Variants in SRBD1 observed in about 807,000 individuals in gnomAD.
The protein encoded by SRBD1 is S1 RNA binding domain 1, also known as S1 RNA-binding domain-containing protein 1.
Under a neutral mutation model 115.3 loss-of-function variants are expected in SRBD1, and 88 were observed. The observed-to-expected ratio is 0.76, with a 90% confidence interval of 0.64 to 0.91. The LOEUF is 0.91. SRBD1 is among the 40% of genes least tolerant of loss of function. The pLI, the probability that SRBD1 is intolerant of heterozygous loss-of-function variation, is 0.00. For missense variants in SRBD1, 1,385 were observed against 1,177.4 expected (o/e 1.18, Z -2.58); for synonymous variants, 509 against 407.7 (o/e 1.25, Z -2.99).
intron 12 of SRBD1, among the ~76,000 whole-genome samples, chr2:45,550,894 C>G (rs1052694287): frequency 6.6e-6 from 1 of 152,106 alleles, no homozygotes; most frequent in Non-Finnish European, 1.5e-5. Context: ...TCCTCAATAT[C>G]TCTACTGAGA....
intron 1 of SRBD1, among the ~76,000 whole-genome samples, chr2:45,606,736 T>A (rs1674286272): frequency 6.6e-6 from 1 of 152,230 alleles, no homozygotes; most frequent in Non-Finnish European, 1.5e-5. Flanking sequence ...ACTTTAGCTG[T>A]TAAGATTAAT....
At chr2:45,598,957 T>G (rs13003786) in intron 4 of SRBD1, among the ~76,000 whole-genome samples, 91,587 of 151,982 alleles carry the variant, frequency 0.6, 28,679 homozygotes, top group Non-Finnish European at 0.71. Context: ...TGATTTCCCC[T>G]GTAGTAAGAC....
At chr2:45,490,089 T>C (rs1670247931) in intron 14 of SRBD1, among the ~76,000 whole-genome samples, 1 of 152,144 alleles carries the variant, frequency 6.6e-6, no homozygotes, top group Non-Finnish European at 1.5e-5. Context: ...CTGCATTTTC[T>C]CCAAAATAAC....
At chr2:45,541,587 G>A (rs577896941) in intron 14 of SRBD1, among the ~76,000 whole-genome samples, 7 of 152,332 alleles carry the variant, frequency 4.6e-5, no homozygotes, top group South Asian at 2.1e-4. Context: ...GCTCCTTTCC[G>A]CAGGCAGGTT....
chr2:45,603,057 A>C (rs1314486077), intron 2 of SRBD1, among the ~76,000 whole-genome samples: 1 of 152,212 alleles, frequency 6.6e-6, no homozygotes, highest in Non-Finnish European at 1.5e-5. Flanking sequence ...CTATAATTAG[A>C]AAACCAATGA....
chr2:45,480,033 T>C (rs960332573), intron 15 of SRBD1, among the ~76,000 whole-genome samples: 2 of 152,192 alleles, frequency 1.3e-5, no homozygotes, highest in Admixed American at 6.6e-5. Context: ...CATATGTTTA[T>C]AGCATGGTTT....
In SRBD1 at chr2:45,451,093, T is replaced by C. The variant is rs1668978061; in HGVS notation, c.2049+25900A>G. Among the ~76,000 whole-genome samples, 3 of 152,262 alleles carry C rather than the reference T, an allele frequency of 2.0e-5. No individual in the cohort carries two copies. In the South Asian group the frequency reaches 6.2e-4, roughly 32 times the overall value. ...ATTGCAAATAATGTCTTGAAAGGGC[T>C]ATTTGCAGGGTGATGACTGATTCAA... On this transcript the variant is annotated intron_variant, in intron 16 of 20. Transcript: ENST00000263736.
chr2:45,414,542 CATAG>C (rs72362746), intron 18 of SRBD1, among the ~76,000 whole-genome samples: 15,361 of 149,372 alleles, frequency 0.1, 1,236 homozygotes, highest in African/African-American at 0.23. Flanking sequence ...TGTGTACACA[CATAG>C]TGTCTGTAGT....
At chr2:45,426,129 C>A (rs541223376) in intron 16 of SRBD1, among the ~76,000 whole-genome samples, 80 of 152,328 alleles carry the variant, frequency 5.3e-4, no homozygotes, top group African/African-American at 1.9e-3. Flanking sequence ...GCACAGCAGT[C>A]TGAAGTCAAC....
At chr2:45,456,304 G>A (rs917155285) in intron 16 of SRBD1, among the ~76,000 whole-genome samples, 30 of 151,816 alleles carry the variant, frequency 2.0e-4, no homozygotes, top group Non-Finnish European at 2.9e-5. Flanking sequence ...TCTGCTGACC[G>A]AGGTGAGAGA....
chr2:45,483,279 TG>T (rs550764878), intron 15 of SRBD1, among the ~76,000 whole-genome samples: 79 of 152,150 alleles, frequency 5.2e-4, no homozygotes, highest in Non-Finnish European at 9.9e-4. Context: ...ACAATTAATA[TG>T]GGATATTAAT....
chr2:45,522,126 A>G lies in SRBD1; in HGVS notation c.1874+24606T>C, dbSNP rs181148033. On this transcript the variant is annotated intron_variant, in intron 14 of 20. Transcript: ENST00000263736. ...CAACAGACAAATGGATAAACAAAAT[A>G]TCGTATAGATTGAGCATCCCAAATC... 6.2e-3 allele frequency among the ~76,000 whole-genome samples: 939 copies of G among 152,262 alleles called. 2 individuals are homozygous for G. The highest frequency in any genetic ancestry group is 0.017 in the Middle Eastern group (5 of 294).
intron 14 of SRBD1, among the ~76,000 whole-genome samples, chr2:45,489,365 C>T (rs987390253): frequency 1.3e-5 from 2 of 152,138 alleles, no homozygotes; most frequent in African/African-American, 2.4e-5. Context: ...TAACGTACTG[C>T]CCCACTGTAA....
At chr2:45,454,210 T>C (rs931261176) in intron 16 of SRBD1, among the ~76,000 whole-genome samples, 6 of 151,910 alleles carry the variant, frequency 3.9e-5, no homozygotes, top group Non-Finnish European at 5.9e-5. Context: ...AAAGCAAAAA[T>C]GTAATCCAAT....
chr2:45,565,367 T>C (rs957749560), intron 9 of SRBD1, among the ~76,000 whole-genome samples: 2 of 152,102 alleles, frequency 1.3e-5, no homozygotes, highest in Non-Finnish European at 2.9e-5. Context: ...ACCAAGATAA[T>C]TCAATGAAGA....
intron 14 of SRBD1, among the ~76,000 whole-genome samples, chr2:45,541,222 T>C (rs1363032866): frequency 3.9e-5 from 6 of 152,192 alleles, no homozygotes; most frequent in Non-Finnish European, 8.8e-5. Flanking sequence ...CAACTACCAC[T>C]GCAGACACCC....
intron 7 of SRBD1, among the ~76,000 whole-genome samples, chr2:45,575,803 A>C (rs976474790): frequency 3.9e-5 from 6 of 152,150 alleles, no homozygotes; most frequent in Admixed American, 3.9e-4. Context: ...TCCTGGGTTC[A>C]AGTGATTCTC....
intron 14 of SRBD1, among the ~76,000 whole-genome samples, chr2:45,492,786 A>G (rs1302288852): frequency 2.0e-5 from 3 of 151,954 alleles, no homozygotes; most frequent in African/African-American, 2.4e-5. Flanking sequence ...TTTCACCTTC[A>G]TTTACAAGAT....
intron 14 of SRBD1, among the ~76,000 whole-genome samples, chr2:45,493,788 G>T (rs192716304): frequency 6.7e-6 from 1 of 149,790 alleles, no homozygotes; most frequent in East Asian, 1.9e-4. Flanking sequence ...TCCATCCTGG[G>T]CAACAAGAAT....
Sources: gnomAD v4.1 joint callset for allele counts (sites outside exome capture counted in the v4.1 genomes callset) on GRCh38, gnomAD v4.1.1 for gene constraint, MANE v1.5 for transcripts, NCBI Gene and HGNC (gene_info 2026-07-23, HGNC 2026-07-21) for gene names.